The following GLOD4 variants were observed in gnomAD, a reference collection of about 807,000 sequenced individuals.
GLOD4 encodes glyoxalase domain-containing protein 4.
In GLOD4, 44 loss-of-function variants were observed where a neutral mutation model predicts 39.1. That is an observed-to-expected ratio of 1.13 (90% CI 0.88 to 1.45). GLOD4 has a LOEUF of 1.45. Among genes scored for constraint, GLOD4 ranks in the 40% most tolerant of loss-of-function variants. GLOD4 has a pLI of 0.00. For synonymous variants in GLOD4, 145 were observed against 135.0 expected (o/e 1.07, Z -0.52); for missense variants, 405 against 366.4 (o/e 1.11, Z -0.86).
At chr17:781,635 C>T (rs796770538) in intron 1 of GLOD4, among the ~76,000 whole-genome samples, 1 of 152,136 alleles carries the variant, frequency 6.6e-6, no homozygotes, top group Non-Finnish European at 1.5e-5. Context: ...CTGAATCCTG[C>T]AAATAACAGC....
chr17:785,301 C>T (rs1404271844), upstream of GLOD4, among the ~76,000 whole-genome samples: 1 of 152,124 alleles, frequency 6.6e-6, no homozygotes, highest in Non-Finnish European at 1.5e-5. Context: ...GTACTCAAAG[C>T]CATTTTTAAT....
upstream of GLOD4, chr17:783,071 T>TTTTTC: frequency 6.3e-7 from 1 of 1,576,806 alleles, no homozygotes. Context: ...TTTTTTTTAT[T>TTTTTC]TCCATCTACA....
intron 5 of GLOD4, 75 bp downstream of exon 5, chr17:771,250 G>A: frequency 1.1e-6 from 1 of 884,120 alleles, no homozygotes; most frequent in Non-Finnish European, 1.8e-6. Flanking sequence ...ATTTATAAAG[G>A]TTATAAGCCA....
Position 759,355 on chromosome 17 carries a change from T to A in GLOD4, c.*818A>T, listed in dbSNP as rs769800105. On this transcript the variant is annotated 3_prime_UTR_variant, in exon 9 of 9. Transcript: ENST00000301329. ...TTACTTTCAAAAAAAATTTATTCAA[T>A]GAATACACAATATAATTCCATTTCG... 6.6e-6 allele frequency: 1 copy of A among 152,234 alleles called. No homozygotes were observed. The highest frequency in any genetic ancestry group is 1.5e-5 in the Non-Finnish European group (1 of 68,038). The allele number at this position is 152,234 out of a possible 1,614,324, so 9.4% of individuals were successfully genotyped here. A position where few individuals can be genotyped will look rare whatever the true frequency, so the allele number is the denominator to read the frequency against.
intron 4 of GLOD4, among the ~76,000 whole-genome samples, 200 bp downstream of exon 4, chr17:775,575 G>T: frequency 6.6e-6 from 1 of 152,298 alleles, no homozygotes; most frequent in Non-Finnish European, 1.5e-5. Context: ...CAGTAGAACA[G>T]AACTAGTCTA....
chr17:775,780 TGAG>T lies in GLOD4; in HGVS notation c.398_400del (p.Pro133del). ...ACTGGTTCTGGTATAATTACCTGAC[TGAG>T]GCAGACTGCGATTCTGCAAATAGAA... On this transcript the variant is annotated inframe_deletion, in exon 4 of 9. Transcript: ENST00000301329. The T allele has an allele frequency of 6.2e-7, 1 of 1,613,714 alleles. No homozygotes were observed.
upstream of GLOD4, among the ~76,000 whole-genome samples, chr17:783,759 T>C (rs368187121): frequency 2.6e-5 from 4 of 152,228 alleles, no homozygotes; most frequent in Admixed American, 6.5e-5. Context: ...CAAACCTGTG[T>C]ATCTTAGAGT....
intron 8 of GLOD4, among the ~76,000 whole-genome samples, chr17:761,472 A>G (rs1356217266): frequency 3.3e-5 from 5 of 152,218 alleles, no homozygotes; most frequent in African/African-American, 1.2e-4. Flanking sequence ...AGTGGGAGGA[A>G]AGAACAACTA....
chr17:760,539 G>C (rs1905254517), intron 8 of GLOD4, among the ~76,000 whole-genome samples: 1 of 152,192 alleles, frequency 6.6e-6, no homozygotes, highest in South Asian at 2.1e-4. Flanking sequence ...AAGTGTGGCT[G>C]GCGGACCAAC....
At chr17:760,500 G>A (rs1905251019) in intron 8 of GLOD4, among the ~76,000 whole-genome samples, 1 of 152,360 alleles carries the variant, frequency 6.6e-6, no homozygotes, top group Non-Finnish European at 1.5e-5. Context: ...ACTCGGCAGA[G>A]TCAAGGGCAA....
At position 759,947 on chromosome 17, in the gene GLOD4, C is replaced by A. The variant is rs1905180481; in HGVS notation, c.*226G>T. On this transcript the variant is annotated 3_prime_UTR_variant, in exon 9 of 9. Coordinates refer to ENST00000301329, the MANE Select transcript of GLOD4 (RefSeq NM_016080.4). ...TTATATACAGAATGCGCAGTCCCAG[C>A]AACAGTGTAGATTACAGCAGGCGTT... The A allele has an allele frequency of 3.6e-6, 2 of 554,490 alleles. No individual in the cohort carries two copies. The highest frequency in any genetic ancestry group is 6.4e-6 in the Non-Finnish European group (2 of 312,104). 34.3% of individuals were successfully genotyped at this position (554,490 alleles called of 1,614,324 possible). A position where few individuals can be genotyped will look rare whatever the true frequency, so the allele number is the denominator to read the frequency against.
chr17:772,187 G>GAAAAAAAAAAAAAAAAAAAAA (rs58914913), intron 4 of GLOD4, among the ~76,000 whole-genome samples: 2 of 50,858 alleles, frequency 3.9e-5, no homozygotes, highest in Non-Finnish European at 3.4e-5. Context: ...ACCCTATCTC[G>GAAAAAAAAAAAAAAAAAAAAA]AAAAAAAAAA....
chr17:768,834 G>A (rs1444183794), intron 8 of GLOD4, among the ~76,000 whole-genome samples: 7 of 141,642 alleles, frequency 4.9e-5, no homozygotes, highest in African/African-American at 1.8e-4. Context: ...GAGAGGACGT[G>A]AGAGAGAGAA....
chr17:771,369 CT>C lies in GLOD4; in HGVS notation c.498del (p.Asp167MetfsTer48), dbSNP rs761752292. On this transcript the variant is annotated frameshift_variant, in exon 5 of 9. Transcript: ENST00000301329. LOFTEE classifies it high-confidence loss of function. ...CNLLGMKIYE[K>X]DEEKQRALLG... is the part of the protein sequence containing the mutation. ...AGCAAAGCCCTTTGCTTTTCTTCAT[CT>C]TTTTCATAAATTTTCATTCCCAGTA... 10 of 1,605,622 alleles carry C rather than the reference CT, an allele frequency of 6.2e-6. No homozygotes were observed. The Admixed American group carries it at 1.0e-4, about 16-fold the overall frequency.
At chr17:775,750 C>CT (rs1908804880) in intron 4 of GLOD4, 25 bp downstream of exon 4, 1 of 1,604,286 alleles carries the variant, frequency 6.2e-7, no homozygotes, top group Non-Finnish European at 8.5e-7. Context: ...TAGACAGAGG[C>CT]TTTTACTGGT....
chr17:782,446 A>G (rs1597592151), upstream of GLOD4: 2 of 1,613,812 alleles, frequency 1.2e-6, no homozygotes, highest in Non-Finnish European at 1.7e-6. Context: ...CAGGCTTGGG[A>G]CCTTGACGCG....
upstream of GLOD4, chr17:782,588 A>T: frequency 6.2e-7 from 1 of 1,614,094 alleles, no homozygotes; most frequent in Middle Eastern, 1.6e-4. Context: ...CCCAGGAGCA[A>T]CGAGAGAAAC....
intron 1 of GLOD4, 174 bp downstream of exon 1, chr17:781,992 T>A: frequency 1.7e-6 from 1 of 594,176 alleles, no homozygotes; most frequent in Admixed American, 3.0e-5. Flanking sequence ...CCAAGGCCTA[T>A]GATCCCCAAC....
At chr17:781,666 C>G (rs1460471145) in intron 1 of GLOD4, among the ~76,000 whole-genome samples, 1 of 152,126 alleles carries the variant, frequency 6.6e-6, no homozygotes, top group Non-Finnish European at 1.5e-5. Flanking sequence ...CCGAGACAGA[C>G]CGCTTCTGGG....
Sources: gnomAD v4.1 joint callset for allele counts (sites outside exome capture counted in the v4.1 genomes callset) on GRCh38, gnomAD v4.1.1 for gene constraint, MANE v1.5 for transcripts, NCBI Gene and HGNC (gene_info 2026-07-23, HGNC 2026-07-21) for gene names.